The following FOXP2 variants were observed in gnomAD, a reference collection of about 807,000 sequenced individuals.
The protein encoded by FOXP2 is forkhead box protein P2.
A neutral mutation model predicts 115.8 loss-of-function variants in FOXP2; 12 were observed. That is an observed-to-expected ratio of 0.10 (90% CI 0.07 to 0.17). The LOEUF (loss-of-function observed/expected upper bound fraction) is 0.17. FOXP2 is among the 10% of genes least tolerant of loss of function. The pLI, the probability that FOXP2 is intolerant of heterozygous loss-of-function variation, is 1.00. For synonymous variants in FOXP2, 328 were observed against 297.7 expected (o/e 1.10, Z -1.05); for missense variants, 629 against 843.5 (o/e 0.75, Z 3.15).
intron 2 of FOXP2, among the ~76,000 whole-genome samples, chr7:114,360,920 C>A (rs1791730485): frequency 6.6e-6 from 1 of 152,106 alleles, no homozygotes; most frequent in African/African-American, 2.4e-5. Context: ...TCATGGACAA[C>A]TTAAATACTT....
chr7:114,463,493 G>A (rs539997652), intron 2 of FOXP2, among the ~76,000 whole-genome samples: 2 of 152,222 alleles, frequency 1.3e-5, no homozygotes, highest in African/African-American at 4.8e-5. Context: ...GGTACATGTG[G>A]CTAATGGCAA....
At chr7:114,424,360 G>T (rs1173674147) in intron 1 of FOXP2, among the ~76,000 whole-genome samples, 2 of 151,244 alleles carry the variant, frequency 1.3e-5, no homozygotes, top group African/African-American at 4.8e-5. Context: ...ACTCCATCCA[G>T]AAACAATAAA....
Position 114,659,220 on chromosome 7 carries a change from C to A in FOXP2, c.1469-136C>A. ...GCCTTTTCCATATAATTCAATTCCA[C>A]TGTCATGCTTTGTGCTTTCACTAGT... On this transcript the variant is annotated intron_variant, in intron 11 of 16. Coordinates refer to ENST00000350908, the MANE Select transcript of FOXP2 (RefSeq NM_014491.4). 4.3e-6 allele frequency: 3 copies of A among 692,354 alleles called. No individual in the cohort carries two copies. The Admixed American group carries it at 7.3e-5, about 17-fold the overall frequency. The allele number at this position is 692,354 out of a possible 1,614,324, so 42.9% of individuals were successfully genotyped here.
chr7:114,393,656 G>T (rs913842215), intron 2 of FOXP2, among the ~76,000 whole-genome samples: 1 of 152,146 alleles, frequency 6.6e-6, no homozygotes, highest in Non-Finnish European at 1.5e-5. Flanking sequence ...GCAGCATGAA[G>T]AAGGCATCTA....
At position 114,693,101 on chromosome 7, in the gene FOXP2, C is replaced by T. The variant is rs538823308; in HGVS notation, c.*3175C>T. 4.2e-5 allele frequency: 19 copies of T among 453,802 alleles called. No individual in the cohort carries two copies. The highest frequency in any genetic ancestry group is 8.4e-5 in the Non-Finnish European group (19 of 226,638). 28.1% of individuals were successfully genotyped at this position (453,802 alleles called of 1,614,324 possible). On this transcript the variant is annotated 3_prime_UTR_variant, in exon 17 of 17. Coordinates refer to ENST00000350908, the MANE Select transcript of FOXP2 (RefSeq NM_014491.4). Reference sequence around the variant, plus strand: ...TTGCTTAAACCTAGTGGGCTTAAGGCTTATATTCTATGTGGTTGGATTCGT... The same window carrying T: ...TTGCTTAAACCTAGTGGGCTTAAGGTTTATATTCTATGTGGTTGGATTCGT...
chr7:114,673,211 G>A (rs1220976011), intron 16 of FOXP2, among the ~76,000 whole-genome samples: 2 of 152,140 alleles, frequency 1.3e-5, no homozygotes, highest in African/African-American at 2.4e-5. Context: ...CAACAGATTA[G>A]AACTATAAGG....
intron 3 of FOXP2, among the ~76,000 whole-genome samples, chr7:114,617,543 C>T (rs1804015160): frequency 6.6e-6 from 1 of 152,198 alleles, no homozygotes; most frequent in African/African-American, 2.4e-5. Flanking sequence ...CGTGTAATCC[C>T]AACACTTTGG....
intron 1 of FOXP2, among the ~76,000 whole-genome samples, chr7:114,167,613 A>G (rs1291853923): frequency 6.6e-6 from 1 of 152,000 alleles, no homozygotes; most frequent in Non-Finnish European, 1.5e-5. Context: ...GTGATGGTGG[A>G]TACGTCTCAG....
At chr7:114,581,726 C>T (rs985057781) in intron 3 of FOXP2, among the ~76,000 whole-genome samples, 1 of 152,194 alleles carries the variant, frequency 6.6e-6, no homozygotes. Context: ...GTATCATACA[C>T]AGTTTTCACT....
intron 1 of FOXP2, among the ~76,000 whole-genome samples, chr7:114,216,607 T>C (rs1794491059): frequency 1.3e-5 from 2 of 152,186 alleles, no homozygotes; most frequent in South Asian, 4.1e-4. Context: ...TTATGTTTTA[T>C]AGGTGATATT....
intron 2 of FOXP2, among the ~76,000 whole-genome samples, chr7:114,343,810 A>T (rs916681613): frequency 6.6e-6 from 1 of 151,678 alleles, no homozygotes; most frequent in South Asian, 2.1e-4. Flanking sequence ...ACTTAAAAAT[A>T]CAGTAGCCAT....
At chr7:114,304,447 A>G (rs1196883859) in intron 2 of FOXP2, among the ~76,000 whole-genome samples, 1 of 151,970 alleles carries the variant, frequency 6.6e-6, no homozygotes, top group African/African-American at 2.4e-5. Flanking sequence ...CAAGGTGGGC[A>G]GATCACTTGA....
chr7:114,298,725 ACTTCT>A (rs1796805674), intron 2 of FOXP2, among the ~76,000 whole-genome samples: 1 of 152,174 alleles, frequency 6.6e-6, no homozygotes, highest in Admixed American at 6.5e-5. Context: ...CAATTGAACA[ACTTCT>A]CTTCTCATGT....
intron 1 of FOXP2, among the ~76,000 whole-genome samples, chr7:114,164,112 T>A (rs1792910069): frequency 1.3e-5 from 2 of 152,168 alleles, no homozygotes; most frequent in African/African-American, 4.8e-5. Context: ...GTGAAAAATC[T>A]ACATAATTTC....
intron 1 of FOXP2, among the ~76,000 whole-genome samples, chr7:114,245,226 C>CT (rs1436710908): frequency 6.6e-6 from 1 of 152,090 alleles, no homozygotes; most frequent in Admixed American, 6.5e-5. Context: ...TCCTTGCTCT[C>CT]TTTTTCCTCT....
At chr7:114,490,715 C>G (rs1338268285) in intron 2 of FOXP2, among the ~76,000 whole-genome samples, 1 of 151,994 alleles carries the variant, frequency 6.6e-6, no homozygotes, top group African/African-American at 2.4e-5. Flanking sequence ...TCCATGTGTT[C>G]TCATTGTTCA....
At chr7:114,176,197 T>A (rs1189910535) in intron 1 of FOXP2, among the ~76,000 whole-genome samples, 4 of 142,528 alleles carry the variant, frequency 2.8e-5, no homozygotes, top group Admixed American at 1.4e-4. Flanking sequence ...TTGTCTTGTC[T>A]TGTCTTGTCT....
intron 2 of FOXP2, among the ~76,000 whole-genome samples, chr7:114,392,383 G>A (rs921796946): frequency 2.0e-5 from 3 of 152,108 alleles, no homozygotes; most frequent in African/African-American, 7.2e-5. Flanking sequence ...TTAAAGTGTT[G>A]CCAAGAACAG....
At chr7:114,569,229 G>T (rs778013000) in intron 3 of FOXP2, among the ~76,000 whole-genome samples, 1 of 151,840 alleles carries the variant, frequency 6.6e-6, no homozygotes, top group African/African-American at 2.4e-5. Context: ...TGATTTTAAC[G>T]AAAGTTACAG....
Sources: gnomAD v4.1 joint callset for allele counts (sites outside exome capture counted in the v4.1 genomes callset) on GRCh38, gnomAD v4.1.1 for gene constraint, MANE v1.5 for transcripts, NCBI Gene and HGNC (gene_info 2026-07-23, HGNC 2026-07-21) for gene names.